The following SECTM1 variants were observed in gnomAD, a reference collection of about 807,000 sequenced individuals.
The protein encoded by SECTM1 is secreted and transmembrane 1, also known as secreted and transmembrane protein 1.
SECTM1 carries 10 observed loss-of-function variants against 18.1 expected under a neutral mutation model. The observed-to-expected ratio is 0.55, with a 90% CI of 0.34 to 0.94. SECTM1 has a LOEUF of 0.94. Ranked by LOEUF, SECTM1 falls within the 40% of genes least tolerant of loss-of-function variation. The pLI, the probability that SECTM1 is intolerant of heterozygous loss-of-function variation, is 0.02. For synonymous variants in SECTM1, 137 were observed against 139.2 expected, an observed-to-expected ratio of 0.98 and a Z score of 0.11; for missense variants, 297 against 322.6, an observed-to-expected ratio of 0.92 and a Z score of 0.61.
In SECTM1 at chr17:82,330,636, G is replaced by T. The variant is rs1215301322; in HGVS notation, c.-53+3064C>A. Among the ~76,000 whole-genome samples, 1 of 151,960 alleles carries T rather than the reference G, an allele frequency of 6.6e-6. No homozygotes were observed. The highest frequency in any genetic ancestry group is 1.5e-5 in the Non-Finnish European group (1 of 67,988). The stretch of plus-strand genomic sequence containing the variant: ...CATCTGCCTCCCCTCCACCCTGAGT[G>T]TCCCAAGTCTGCCCGCTGTGCATTC... On this transcript the variant is annotated intron_variant, in intron 1 of 4. Transcript: ENST00000269389. This position sits in a 1 kb window ranked among gnomAD's most constrained non-coding sequence, Gnocchi z 6.1.
Position 82,322,933 on chromosome 17 carries a change from A to T in SECTM1, c.482T>A (p.Val161Asp). ...AVVTAVFILL[V>D]ALVMFAWYRC... ...GTACCAGGCGAACATGACCAGAGCGACCAAGAGGATGAAGACAGCAGTGAC... is the reference window on the plus strand; with the variant it reads ...GTACCAGGCGAACATGACCAGAGCGTCCAAGAGGATGAAGACAGCAGTGAC... The change falls in exon 4 of 5, where the codon GTC (valine) becomes GAC (aspartate). Residue 161 changes from valine (V) to aspartate (D), a missense_variant. Transcript: ENST00000269389. The T allele has an allele frequency of 6.2e-7, 1 of 1,613,924 alleles. No individual in the cohort carries two copies.
chr17:82,324,986 G>A (rs2147267651), intron 2 of SECTM1, 96 bp from the exon 3 acceptor site: 1 of 1,139,222 alleles, frequency 8.8e-7, no homozygotes, highest in Non-Finnish European at 1.2e-6. Context: ...CAGGAGACAG[G>A]GCCTCTAAGG....
Position 82,326,040 on chromosome 17 carries a change from C to G in SECTM1, c.94+1107G>C, listed in dbSNP as rs1362884126. 6.6e-6 allele frequency among the ~76,000 whole-genome samples: 1 copy of G among 152,234 alleles called. No individual in the cohort carries two copies. The highest frequency in any genetic ancestry group is 1.5e-5 in the Non-Finnish European group (1 of 68,034). On this transcript the variant is annotated intron_variant, in intron 2 of 4. Coordinates refer to ENST00000269389, the MANE Select transcript of SECTM1 (RefSeq NM_003004.3). This position sits in a 1 kb window ranked among gnomAD's most constrained non-coding sequence, Gnocchi z 4.3. ...CAGGCTGGCTGCCTGCCTGGACGCT[C>G]TGAGTGTTCAGGGACTGCAGGGCCT...
chr17:82,331,170 G>T (rs934246443), intron 1 of SECTM1, among the ~76,000 whole-genome samples: 1 of 152,148 alleles, frequency 6.6e-6, no homozygotes, highest in Non-Finnish European at 1.5e-5. Context: ...GGCAAGTGGC[G>T]GGAAAGGTGT....
intron 3 of SECTM1, 62 bp downstream of exon 3, chr17:82,324,520 C>T (rs2052127459): frequency 1.7e-6 from 1 of 585,488 alleles, no homozygotes; most frequent in Admixed American, 3.2e-5. Flanking sequence ...TGCCCAGGCC[C>T]CCTCCCCTCC....
chr17:82,332,345 CA>C (rs201768812), intron 1 of SECTM1, among the ~76,000 whole-genome samples: 14,888 of 152,124 alleles, frequency 0.098, 1,307 homozygotes, highest in African/African-American at 0.24. Flanking sequence ...ACGCACCGCC[CA>C]GCACGCCTGC....
rs761375984 is a variant in SECTM1, at chr17:82,324,598, G to A, written c.387C>T (p.Val129=). The A allele has an allele frequency of 2.5e-5, 40 of 1,604,166 alleles. No homozygotes were observed. Among genetic ancestry groups the A allele is most frequent in the Non-Finnish European group, 3.4e-5 (40 of 1,174,646 alleles). Reference sequence around the variant, plus strand: ...TCCCCTCACCTGAAACCTCCAGCGTGACTTGTCTGTTATTTCTCTGGTGTC... The same window carrying A: ...TCCCCTCACCTGAAACCTCCAGCGTAACTTGTCTGTTATTTCTCTGGTGTC... ...LVGHQRNNRQ[V]TLEVSGAEPQ... The change falls in exon 3 of 5, where the codon GTC becomes GTT. Residue 129 remains valine (V), a synonymous_variant. Coordinates refer to ENST00000269389, the MANE Select transcript of SECTM1 (RefSeq NM_003004.3).
In SECTM1 at chr17:82,330,651, G is replaced by A. The variant is rs942793627; in HGVS notation, c.-53+3049C>T. Among the ~76,000 whole-genome samples the A allele has an allele frequency of 6.6e-6, 1 of 152,024 alleles. No individual in the cohort carries two copies. The highest frequency in any genetic ancestry group is 1.5e-5 in the Non-Finnish European group (1 of 67,998). ...CACCCTGAGTGTCCCAAGTCTGCCC[G>A]CTGTGCATTCCATGGGGCCAGCAGC... is the stretch of plus-strand genomic sequence containing the variant. On this transcript the variant is annotated intron_variant, in intron 1 of 4. Coordinates refer to ENST00000269389, the MANE Select transcript of SECTM1 (RefSeq NM_003004.3). This position sits in a 1 kb window ranked among gnomAD's most constrained non-coding sequence, Gnocchi z 6.1.
At chr17:82,333,062 G>A (rs1413299066) in intron 1 of SECTM1, among the ~76,000 whole-genome samples, 4 of 152,266 alleles carry the variant, frequency 2.6e-5, no homozygotes, top group South Asian at 2.1e-4. Context: ...GGCCTGCCGG[G>A]TGAGGGAAGC....
Position 82,327,158 on chromosome 17 carries a change from G to T in SECTM1, c.83C>A (p.Ala28Asp). 2 of 1,610,244 alleles carry T rather than the reference G, an allele frequency of 1.2e-6. No homozygotes were observed. The highest frequency in any genetic ancestry group is 1.7e-6 in the Non-Finnish European group (2 of 1,178,088). The change falls in exon 2 of 5, where the codon GCT (alanine) becomes GAT (aspartate). Residue 28 changes from alanine (A) to aspartate (D), a missense_variant. Physicochemically the swap from Ala to Asp is moderately radical, Grantham distance 126. Transcript: ENST00000269389. ...TLLFLAASLS[A>D]QNEGWDSPIC... ...GCCCCGAGACCTACCTTCATTCTGA[G>T]CACTCAAGGAGGCAGCCAAAAACAG... is the stretch of plus-strand genomic sequence containing the variant.
At position 82,324,576 on chromosome 17, in the gene SECTM1, C is replaced by T. The variant is rs777087698; in HGVS notation, c.403+6G>A. On this transcript the variant is annotated splice_donor_region_variant and intron_variant, in intron 3 of 4. Coordinates refer to ENST00000269389, the MANE Select transcript of SECTM1 (RefSeq NM_003004.3). ...CTCCCCCTTGCTTCCCCGAGCCTCC[C>T]CTCACCTGAAACCTCCAGCGTGACT... 1.3e-5 allele frequency: 21 copies of T among 1,595,480 alleles called. No homozygotes were observed. In the South Asian group the frequency reaches 2.2e-4, roughly 17 times the overall value.
rs961842605 is a variant in SECTM1 at position 82,329,630 on chromosome 17, C to A, written c.-52-2338G>T. Among the ~76,000 whole-genome samples the A allele has an allele frequency of 6.6e-6, 1 of 152,050 alleles. No individual in the cohort carries two copies. Among genetic ancestry groups the A allele is most frequent in the Non-Finnish European group, 1.5e-5 (1 of 67,986 alleles). ...GGCTCGGGCCCCATCTCCCATCATACGTCCAGCATTCTAGATTAGCTGGAA... is the reference window on the plus strand; with the variant it reads ...GGCTCGGGCCCCATCTCCCATCATAAGTCCAGCATTCTAGATTAGCTGGAA... On this transcript the variant is annotated intron_variant, in intron 1 of 4. Transcript: ENST00000269389. The surrounding 1 kb of genome is among the most constrained non-coding windows in gnomAD (Gnocchi z 7.6).
At position 82,321,280 on chromosome 17, in the gene SECTM1, T is replaced by C. The variant is rs2052084860; in HGVS notation, c.*881A>G. The C allele has an allele frequency of 6.6e-6, 1 of 152,238 alleles. No homozygotes were observed. Among genetic ancestry groups the C allele is most frequent in the Non-Finnish European group, 1.5e-5 (1 of 68,034 alleles). 9.4% of individuals were successfully genotyped at this position (152,238 alleles called of 1,614,324 possible). On this transcript the variant is annotated 3_prime_UTR_variant, in exon 5 of 5. Coordinates refer to ENST00000269389, the MANE Select transcript of SECTM1 (RefSeq NM_003004.3). ...AGATTTTTGTTTTCCATTTTAAAAA[T>C]TGCATTTGGAGCTACTTGGAGGTTT... is the stretch of plus-strand genomic sequence containing the variant.
At chr17:82,322,760 C>G in intron 4 of SECTM1, 118 bp downstream of exon 4, 14 of 1,278,462 alleles carry the variant, frequency 1.1e-5, no homozygotes, top group Non-Finnish European at 1.4e-5. Context: ...GGGACCGGTG[C>G]TCCCCCCACC....
intron 1 of SECTM1, among the ~76,000 whole-genome samples, chr17:82,332,659 G>C (rs1234806039): frequency 6.6e-6 from 1 of 152,196 alleles, no homozygotes; most frequent in East Asian, 1.9e-4. Context: ...CGGTGTGGAC[G>C]GCTCTGCCCT....
Position 82,322,919 on chromosome 17 carries a change from A to T in SECTM1, c.496T>A (p.Phe166Ile). The T allele has an allele frequency of 1.9e-6, 3 of 1,613,908 alleles. No individual in the cohort carries two copies. Among genetic ancestry groups the T allele is most frequent in the Non-Finnish European group, 2.5e-6 (3 of 1,179,980 alleles). The change falls in exon 4 of 5, where the codon TTC (phenylalanine) becomes ATC (isoleucine). Residue 166 changes from phenylalanine (F) to isoleucine (I), a missense_variant. By Grantham distance (21) the Phe-to-Ile change is conservative (BLOSUM62 0). Transcript: ENST00000269389. ...GAACAGCGGCACCTGTACCAGGCGA[A>T]CATGACCAGAGCGACCAAGAGGATG... ...VFILLVALVM[F>I]AWYRCRCSQQ...
In SECTM1 at chr17:82,329,969, T is replaced by C. The variant is rs2052178591; in HGVS notation, c.-52-2677A>G. Among the ~76,000 whole-genome samples, 1 of 152,078 alleles carries C rather than the reference T, an allele frequency of 6.6e-6. No homozygotes were observed. The highest frequency in any genetic ancestry group is 2.1e-4 in the South Asian group (1 of 4,834). ...TGCATAGTCTCTTTGCCATGTCAGG[T>C]TCTGGGATGAGGACGTGACATCTTT... On this transcript the variant is annotated intron_variant, in intron 1 of 4. Coordinates refer to ENST00000269389, the MANE Select transcript of SECTM1 (RefSeq NM_003004.3). The surrounding 1 kb of genome is among the most constrained non-coding windows in gnomAD (Gnocchi z 7.6).
intron 1 of SECTM1, among the ~76,000 whole-genome samples, chr17:82,333,242 C>T (rs912367984): frequency 6.6e-6 from 1 of 152,224 alleles, no homozygotes; most frequent in Non-Finnish European, 1.5e-5. Context: ...AGCGACGGCG[C>T]AGGGAACCCC....
intron 1 of SECTM1, 123 bp from the exon 2 acceptor site, chr17:82,327,415 T>A (rs1235154092): frequency 1.7e-6 from 1 of 600,424 alleles, no homozygotes; most frequent in African/African-American, 1.9e-5. Context: ...CGACCTGCTC[T>A]GGATGCTGGA....
Sources: gnomAD v4.1 joint callset for allele counts (sites outside exome capture counted in the v4.1 genomes callset) on GRCh38, gnomAD v4.1.1 for gene constraint, Gnocchi (gnomAD v3.1) non-coding constraint, MANE v1.5 for transcripts, NCBI Gene and HGNC (gene_info 2026-07-23, HGNC 2026-07-21) for gene names.